TMPRSS11E: variants seen among roughly 807,000 people sequenced by gnomAD.
TMPRSS11E encodes the protein transmembrane protease serine 11E.
Under a neutral mutation model 48.1 loss-of-function variants are expected in TMPRSS11E, and 38 were observed. That is an observed-to-expected ratio of 0.79 (90% confidence interval 0.61 to 1.04). The LOEUF is 1.04. Among genes scored for constraint, TMPRSS11E ranks in the 50% least tolerant of loss-of-function variants. The probability of loss-of-function intolerance (pLI) is 0.00; values close to 1 mark genes in which losing one functional copy is unlikely to be tolerated. For missense variants in TMPRSS11E, 530 were observed against 510.8 expected (o/e 1.04, Z -0.36); for synonymous variants, 158 against 171.9 (o/e 0.92, Z 0.63).
chr4:68,467,126 C>A (rs1426332929), intron 3 of TMPRSS11E, among the ~76,000 whole-genome samples: 1 of 152,032 alleles, frequency 6.6e-6, no homozygotes, highest in African/African-American at 2.4e-5. Context: ...AAGATTGAAA[C>A]TATTTAGGCA....
chr4:68,466,525 C>T (rs1210597144), intron 2 of TMPRSS11E, 106 bp from the exon 3 acceptor site: 1 of 1,203,362 alleles, frequency 8.3e-7, no homozygotes, highest in Non-Finnish European at 1.2e-6. Flanking sequence ...GTGCTAAGAG[C>T]ATTCCTTCCT....
chr4:68,451,245 C>T (rs1728489003), intron 1 of TMPRSS11E, among the ~76,000 whole-genome samples: 1 of 151,810 alleles, frequency 6.6e-6, no homozygotes, highest in Admixed American at 6.6e-5. Context: ...CAAGTGCGCT[C>T]CTTTGGATCT....
At chr4:68,447,818 A>G (rs1371121934) in intron 1 of TMPRSS11E, among the ~76,000 whole-genome samples, 3 of 151,898 alleles carry the variant, frequency 2.0e-5, no homozygotes, top group South Asian at 4.1e-4. Context: ...TAGTTTGGCC[A>G]TATGTTTCAA....
Position 68,476,243 on chromosome 4 carries a change from C to T in TMPRSS11E, c.530-18C>T. 1.2e-6 allele frequency: 2 copies of T among 1,613,382 alleles called. No homozygotes were observed. The highest frequency in any genetic ancestry group is 1.7e-5 in the Admixed American group (1 of 60,008). Reference sequence around the variant, plus strand: ...AATTAATGCACCCACCAATGCACCCCCCCTCTCTCTTTTGCAGGCTGCGGA... The same window carrying T: ...AATTAATGCACCCACCAATGCACCCTCCCTCTCTCTTTTGCAGGCTGCGGA... On this transcript the variant is annotated intron_variant, in intron 6 of 9. Transcript: ENST00000305363.
intron 4 of TMPRSS11E, 49 bp from the exon 5 acceptor site, chr4:68,471,411 T>TTTTTC (rs755779190): frequency 3.8e-5 from 20 of 520,762 alleles, no homozygotes; most frequent in Non-Finnish European, 5.2e-5. Context: ...CCTGCCTTTC[T>TTTTTC]TTCTTCTTTT....
chr4:68,491,351 C>T (rs1729717510), intron 9 of TMPRSS11E, among the ~76,000 whole-genome samples: 1 of 142,656 alleles, frequency 7.0e-6, no homozygotes, highest in South Asian at 2.3e-4. Context: ...TTGTATCATT[C>T]CTTTTGTCCT....
chr4:68,457,286 CAT>C (rs1301350709), intron 1 of TMPRSS11E, among the ~76,000 whole-genome samples: 13 of 152,184 alleles, frequency 8.5e-5, no homozygotes, highest in African/African-American at 2.6e-4. Context: ...AGCCAACAAA[CAT>C]ATGAAAAAAA....
intron 4 of TMPRSS11E, among the ~76,000 whole-genome samples, chr4:68,470,702 A>C (rs571207125): frequency 4.6e-5 from 7 of 151,888 alleles, no homozygotes; most frequent in Non-Finnish European, 8.8e-5. Context: ...GAAGAGTTAG[A>C]TTCAGAAGTG....
chr4:68,461,701 C>T (rs1728794235), intron 1 of TMPRSS11E, 120 bp from the exon 2 acceptor site: 4 of 1,495,068 alleles, frequency 2.7e-6, no homozygotes, highest in South Asian at 1.3e-5. Context: ...GTGCTCTAAA[C>T]CCAGACAGTA....
At chr4:68,483,330 C>T (rs1338673829) in intron 9 of TMPRSS11E, among the ~76,000 whole-genome samples, 1 of 152,202 alleles carries the variant, frequency 6.6e-6, no homozygotes, top group South Asian at 2.1e-4. Context: ...ATCGCAAAGA[C>T]AGCACTATGC....
intron 9 of TMPRSS11E, among the ~76,000 whole-genome samples, chr4:68,482,263 C>T (rs1208039174): frequency 1.3e-5 from 2 of 152,074 alleles, no homozygotes; most frequent in Non-Finnish European, 2.9e-5. Context: ...CTCCCATGAC[C>T]TGAACACCTC....
chr4:68,459,310 G>GT (rs200876949), intron 1 of TMPRSS11E, among the ~76,000 whole-genome samples: 7,067 of 150,740 alleles, frequency 0.047, 238 homozygotes, highest in Non-Finnish European at 0.075. Context: ...ATCTTCCTTA[G>GT]TTTTTTTTTC....
intron 4 of TMPRSS11E, 97 bp downstream of exon 4, chr4:68,469,043 A>G: frequency 4.0e-6 from 4 of 1,000,384 alleles, no homozygotes; most frequent in Non-Finnish European, 4.7e-6. Context: ...ATATAATTCA[A>G]TCCAACAAAC....
At position 68,464,371 on chromosome 4, in the gene TMPRSS11E, G is replaced by A. The variant is rs549514822; in HGVS notation, c.137-2260G>A. ...CAATGTAGAATTCTGTGTATGGTTC[G>A]TGTCTGGGGCCTTTGGGGGTGCATT... On this transcript the variant is annotated intron_variant, in intron 2 of 9. Transcript: ENST00000305363. Among the ~76,000 whole-genome samples, 85 of 152,228 alleles carry A rather than the reference G, an allele frequency of 5.6e-4. 1 individual carries two copies. Among genetic ancestry groups the A allele is most frequent in the Admixed American group, 3.9e-4 (6 of 15,288 alleles).
At chr4:68,488,474 T>G (rs1729623328) in intron 9 of TMPRSS11E, among the ~76,000 whole-genome samples, 1 of 152,222 alleles carries the variant, frequency 6.6e-6, no homozygotes, top group Non-Finnish European at 1.5e-5. Flanking sequence ...ATGAAATTCT[T>G]GTAGTGAGTT....
intron 9 of TMPRSS11E, among the ~76,000 whole-genome samples, chr4:68,480,923 C>T (rs557669655): frequency 1.3e-5 from 2 of 152,066 alleles, no homozygotes; most frequent in South Asian, 4.2e-4. Context: ...GCATAATAAC[C>T]AATAGGTAGT....
At chr4:68,496,526 A>G in intron 9 of TMPRSS11E, 117 bp from the exon 10 acceptor site, 1 of 1,031,112 alleles carries the variant, frequency 9.7e-7, no homozygotes, top group South Asian at 1.7e-5. Context: ...TATGCATGCG[A>G]ACACACGGAA....
chr4:68,471,315 C>G, intron 4 of TMPRSS11E, 145 bp from the exon 5 acceptor site: 1 of 479,790 alleles, frequency 2.1e-6, no homozygotes, highest in Non-Finnish European at 3.6e-6. Flanking sequence ...TTTCCTTTCC[C>G]TTCTCCTTCC....
At chr4:68,469,070 G>C (rs1289887417) in intron 4 of TMPRSS11E, 124 bp downstream of exon 4, 4 of 816,716 alleles carry the variant, frequency 4.9e-6, no homozygotes, top group Non-Finnish European at 8.2e-6. Context: ...CACTTGTCCT[G>C]TGTAAGTCAT....
Sources: allele counts gnomAD v4.1 joint callset (sites outside exome capture counted in the v4.1 genomes callset), GRCh38; gene constraint gnomAD v4.1.1; transcripts MANE v1.5; gene names NCBI Gene and HGNC (gene_info 2026-07-23, HGNC 2026-07-21).